The following GRIN2B variants were observed in gnomAD, a reference collection of about 807,000 sequenced individuals.
GRIN2B encodes glutamate ionotropic receptor NMDA type subunit 2B.
A neutral mutation model predicts 114.5 loss-of-function variants in GRIN2B; 5 were observed. The ratio of observed to expected loss-of-function variants is 0.04; its 90% confidence interval spans 0.02 to 0.09. The LOEUF (loss-of-function observed/expected upper bound fraction) is 0.09. GRIN2B is among the 10% of genes least tolerant of loss of function. The probability of loss-of-function intolerance (pLI) is 1.00; values close to 1 mark genes in which losing one functional copy is unlikely to be tolerated. For synonymous variants in GRIN2B, 787 were observed against 745.1 expected (o/e 1.06, Z -0.92); for missense variants, 1,108 against 1,943.5 (o/e 0.57, Z 8.08).
At chr12:13,722,136 G>C (rs2136594042) in intron 4 of GRIN2B, among the ~76,000 whole-genome samples, 1 of 152,228 alleles carries the variant, frequency 6.6e-6, no homozygotes, top group South Asian at 2.1e-4. Flanking sequence ...ATGGGTTAAG[G>C]AGGGTGAAAG....
chr12:13,773,638 G>A (rs916696457), intron 3 of GRIN2B, among the ~76,000 whole-genome samples: 1 of 152,182 alleles, frequency 6.6e-6, no homozygotes, highest in Non-Finnish European at 1.5e-5. Context: ...AAAGCCATAA[G>A]GAGCCAAGGA....
At chr12:13,743,024 C>G (rs1863312586) in intron 4 of GRIN2B, among the ~76,000 whole-genome samples, 1 of 152,140 alleles carries the variant, frequency 6.6e-6, no homozygotes. Context: ...CATCTGAGTC[C>G]TGATGACATG....
chr12:13,768,152 A>C (rs910665075), intron 3 of GRIN2B, among the ~76,000 whole-genome samples: 5 of 152,296 alleles, frequency 3.3e-5, no homozygotes, highest in Middle Eastern at 3.4e-3. Context: ...ATGTCAACTC[A>C]TCATATCCAT....
intron 3 of GRIN2B, among the ~76,000 whole-genome samples, chr12:13,821,996 A>G (rs1301908193): frequency 6.6e-6 from 1 of 152,156 alleles, no homozygotes; most frequent in African/African-American, 2.4e-5. Flanking sequence ...CCTAATTCTA[A>G]TATATATAAG....
At chr12:13,828,930 T>C (rs566812024) in intron 3 of GRIN2B, among the ~76,000 whole-genome samples, 2 of 152,306 alleles carry the variant, frequency 1.3e-5, no homozygotes, top group South Asian at 4.1e-4. Context: ...CATTATCTGG[T>C]GCCTGTCTTT....
chr12:13,613,619 C>G (rs1008474558), intron 8 of GRIN2B, among the ~76,000 whole-genome samples: 1 of 152,134 alleles, frequency 6.6e-6, no homozygotes, highest in Non-Finnish European at 1.5e-5. Context: ...GTTCTGAAGG[C>G]TACCATAGCT....
intron 10 of GRIN2B, among the ~76,000 whole-genome samples, chr12:13,589,661 T>A (rs1237421705): frequency 6.6e-6 from 1 of 152,222 alleles, no homozygotes. Context: ...CTGACTTGTA[T>A]CCCTCATTTA....
intron 3 of GRIN2B, among the ~76,000 whole-genome samples, chr12:13,807,304 C>T (rs1864619319): frequency 6.6e-6 from 1 of 152,168 alleles, no homozygotes; most frequent in South Asian, 2.1e-4. Flanking sequence ...TATTTCAGGA[C>T]TGTGAGTAGT....
intron 2 of GRIN2B, among the ~76,000 whole-genome samples, chr12:13,913,385 G>A (rs1565584557): frequency 1.3e-5 from 2 of 152,108 alleles, no homozygotes; most frequent in Non-Finnish European, 2.9e-5. Flanking sequence ...GGAGCCTCCA[G>A]AAGGCTCTAA....
At chr12:13,867,490 AT>A in intron 2 of GRIN2B, among the ~76,000 whole-genome samples, 1 of 152,198 alleles carries the variant, frequency 6.6e-6, no homozygotes, top group Non-Finnish European at 1.5e-5. Context: ...AAAAGCCCAG[AT>A]TTCACCACTA....
intron 3 of GRIN2B, among the ~76,000 whole-genome samples, chr12:13,762,855 G>C (rs934655139): frequency 1.3e-5 from 2 of 152,132 alleles, no homozygotes; most frequent in Admixed American, 6.5e-5. Context: ...GCTAAATCCA[G>C]AAAGAAGTTT....
chr12:13,766,183 A>G (rs527277618), intron 3 of GRIN2B, among the ~76,000 whole-genome samples: 6 of 152,350 alleles, frequency 3.9e-5, no homozygotes, highest in African/African-American at 1.2e-4. Flanking sequence ...CAGGTGCTGT[A>G]GGAAGTAGAA....
chr12:13,757,506 C>T (rs1863597248), intron 3 of GRIN2B, among the ~76,000 whole-genome samples: 1 of 152,076 alleles, frequency 6.6e-6, no homozygotes, highest in South Asian at 2.1e-4. Context: ...GGATGAAGGA[C>T]AGAGATATAA....
chr12:13,741,287 T>C (rs7960371), intron 4 of GRIN2B, among the ~76,000 whole-genome samples: 124,160 of 152,098 alleles, frequency 0.82, 51,019 homozygotes, highest in African/African-American at 0.89. Context: ...ACCTTGGCCT[T>C]CCAAAGTGCT....
chr12:13,855,054 A>AAAAAAAAAAAAAAT (rs1865636686), intron 3 of GRIN2B, among the ~76,000 whole-genome samples: 1 of 149,556 alleles, frequency 6.7e-6, no homozygotes, highest in Non-Finnish European at 1.5e-5. Flanking sequence ...CTACTGAAAA[A>AAAAAAAAAAAAAAT]AAAAAAAAAA....
intron 10 of GRIN2B, among the ~76,000 whole-genome samples, chr12:13,605,090 A>AGT (rs1565472178): frequency 9.9e-5 from 15 of 151,428 alleles, no homozygotes; most frequent in African/African-American, 3.6e-4. Flanking sequence ...TTTTGTCTTA[A>AGT]TGATGAACAA....
chr12:13,800,090 C>T (rs1864481256), intron 3 of GRIN2B, among the ~76,000 whole-genome samples: 1 of 152,156 alleles, frequency 6.6e-6, no homozygotes, highest in Admixed American at 6.5e-5. Flanking sequence ...CGATGTGTGC[C>T]ATTTTCCTCC....
intron 2 of GRIN2B, among the ~76,000 whole-genome samples, chr12:13,940,873 T>C (rs1331400002): frequency 1.4e-5 from 2 of 147,752 alleles, no homozygotes; most frequent in Non-Finnish European, 3.0e-5. Context: ...CAATCACCCA[T>C]GCTCTCCACA....
intron 5 of GRIN2B, among the ~76,000 whole-genome samples, chr12:13,645,183 C>G (rs1165898528): frequency 6.6e-6 from 1 of 152,084 alleles, no homozygotes; most frequent in Non-Finnish European, 1.5e-5. Context: ...TGCAAATCTT[C>G]TTTTCACTTG....
Sources: allele counts gnomAD v4.1 joint callset (sites outside exome capture counted in the v4.1 genomes callset), GRCh38; gene constraint gnomAD v4.1.1; transcripts MANE v1.5; gene names NCBI Gene and HGNC (gene_info 2026-07-23, HGNC 2026-07-21).